Variants in ADRA1B observed in about 807,000 individuals in gnomAD.
ADRA1B encodes adrenoceptor alpha 1B.
ADRA1B carries 17 observed loss-of-function variants against 17.9 expected under a neutral mutation model. The observed-to-expected ratio is 0.95, with a 90% CI of 0.65 to 1.42. The LOEUF is 1.42. ADRA1B is among the 40% of genes most tolerant of loss of function. ADRA1B has a pLI of 0.00. For synonymous variants in ADRA1B, 366 were observed against 327.6 expected, an observed-to-expected ratio of 1.12 and a Z score of -1.27; for missense variants, 681 against 722.1, an observed-to-expected ratio of 0.94 and a Z score of 0.65.
intron 1 of ADRA1B, among the ~76,000 whole-genome samples, chr5:159,902,508 G>T (rs1266166646): frequency 6.6e-6 from 1 of 151,838 alleles, no homozygotes; most frequent in Non-Finnish European, 1.5e-5. Context: ...AAAAAAAAAG[G>T]AATGTTTGAA....
upstream of ADRA1B, among the ~76,000 whole-genome samples, chr5:159,913,955 C>G (rs1044575197): frequency 6.6e-6 from 1 of 152,156 alleles, no homozygotes; most frequent in Admixed American, 6.5e-5. Flanking sequence ...TCTCTTCCTC[C>G]TCCCTCTCCC....
intron 1 of ADRA1B, among the ~76,000 whole-genome samples, chr5:159,875,480 G>C (rs910704749): frequency 1.3e-5 from 2 of 152,100 alleles, no homozygotes; most frequent in Non-Finnish European, 2.9e-5. Context: ...ACCATACCTA[G>C]TGCATGGATA....
chr5:159,951,552 AC>A, intron 1 of ADRA1B: 1 of 569,542 alleles, frequency 1.8e-6, no homozygotes, highest in Non-Finnish European at 3.2e-6. Context: ...TGTCTGTCGA[AC>A]GGGAGGAGCA....
At chr5:159,988,394 T>C in the ADRA1B span, among the ~76,000 whole-genome samples, 1 of 152,234 alleles carries the variant, frequency 6.6e-6, no homozygotes, top group Non-Finnish European at 1.5e-5. Context: ...ATATGTTTGT[T>C]GCTTTATGCC....
At chr5:159,920,338 C>G (rs913331302) in intron 1 of ADRA1B, among the ~76,000 whole-genome samples, 1 of 152,172 alleles carries the variant, frequency 6.6e-6, no homozygotes, top group East Asian at 1.9e-4. Context: ...TTCAAGTCAT[C>G]AAGCCCACCC....
chr5:159,891,873 A>C (rs541847070), intron 1 of ADRA1B, among the ~76,000 whole-genome samples: 1 of 152,332 alleles, frequency 6.6e-6, no homozygotes, highest in African/African-American at 2.4e-5. Flanking sequence ...GAACAGGAGT[A>C]ACTCGCACCT....
chr5:159,928,690 T>C (rs895337243), intron 1 of ADRA1B, among the ~76,000 whole-genome samples: 2 of 152,190 alleles, frequency 1.3e-5, no homozygotes, highest in Non-Finnish European at 2.9e-5. Flanking sequence ...GCCAGGCTAA[T>C]GTGCATTGCT....
chr5:159,977,441 C>A (rs1394256274), downstream of ADRA1B, among the ~76,000 whole-genome samples: 1 of 152,098 alleles, frequency 6.6e-6, no homozygotes, highest in African/African-American at 2.4e-5. Context: ...TTGGTGAGAC[C>A]CCAGTGTCAG....
At chr5:159,871,680 A>G (rs1351433438) in intron 1 of ADRA1B, among the ~76,000 whole-genome samples, 1 of 152,114 alleles carries the variant, frequency 6.6e-6, no homozygotes, top group Middle Eastern at 3.2e-3. Context: ...CATTAAAGTC[A>G]CATTCACAGG....
Position 159,916,915 on chromosome 5 carries a change from G to T in ADRA1B, c.10G>T (p.Asp4Tyr), listed in dbSNP as rs376068891. Residue 4 changes from aspartate to tyrosine, a missense_variant, in exon 1 of 2, where the codon GAC (aspartate) becomes TAC (tyrosine). Asp to Tyr is a radical substitution (Grantham distance 160, BLOSUM62 -3). Coordinates refer to ENST00000306675, the MANE Select transcript of ADRA1B (RefSeq NM_000679.4). MNP[D>Y]LDTGHNTSAP... ...GAGGGCGGACTCTAAGATGAATCCC[G>T]ACCTGGACACCGGCCACAACACATC... 6.2e-7 allele frequency: 1 copy of T among 1,611,018 alleles called. No homozygotes were observed. Among genetic ancestry groups the T allele is most frequent in the African/African-American group, 1.3e-5 (1 of 74,872 alleles).
intron 1 of ADRA1B, among the ~76,000 whole-genome samples, chr5:159,964,978 A>G (rs1310055325): frequency 6.6e-6 from 1 of 152,180 alleles, no homozygotes; most frequent in Non-Finnish European, 1.5e-5. Flanking sequence ...CCAATTTTCC[A>G]GGAAACCAAG....
At chr5:159,875,237 G>C (rs778391544) in intron 1 of ADRA1B, among the ~76,000 whole-genome samples, 3 of 152,084 alleles carry the variant, frequency 2.0e-5, no homozygotes, top group African/African-American at 7.2e-5. Context: ...TATCCTGCAG[G>C]ATAAAAGCTT....
intron 1 of ADRA1B, among the ~76,000 whole-genome samples, chr5:159,969,512 C>T (rs1010614644): frequency 3.3e-5 from 5 of 152,194 alleles, no homozygotes; most frequent in Non-Finnish European, 1.5e-5. Flanking sequence ...TCAGAGATTT[C>T]CAGCTACTCT....
rs971287271 is a variant in ADRA1B, at chr5:159,867,026, G to T, written c.-256+1820G>T. 4 of 152,192 alleles carry T rather than the reference G, an allele frequency of 2.6e-5. No homozygotes were observed. The South Asian group carries it at 8.3e-4, about 32-fold the overall frequency. The allele number at this position is 152,192 out of a possible 1,614,324, so 9.4% of individuals were successfully genotyped here. On this transcript the variant is annotated intron_variant, in intron 1 of 2. Transcript: ENST00000641205. ...AATTTCTCCCCAGCAGCCTTGAAGC[G>T]ATGTCCAACCTGGCACAGAGTCTGG...
chr5:159,899,255 G>A (rs28723391), intron 1 of ADRA1B, among the ~76,000 whole-genome samples: 6 of 136,544 alleles, frequency 4.4e-5, no homozygotes, highest in South Asian at 2.5e-4. Context: ...AGGAAGGAAG[G>A]AAGGAAGAAA....
chr5:159,886,490 G>A (rs1753923982), intron 1 of ADRA1B, among the ~76,000 whole-genome samples: 1 of 152,158 alleles, frequency 6.6e-6, no homozygotes, highest in African/African-American at 2.4e-5. Context: ...CATGCTAATT[G>A]ATTTCATCTT....
intron 1 of ADRA1B, among the ~76,000 whole-genome samples, chr5:159,939,743 A>G (rs1472577150): frequency 6.6e-6 from 1 of 152,196 alleles, no homozygotes; most frequent in East Asian, 1.9e-4. Flanking sequence ...TCCTCCAGCC[A>G]CACAGGAGCA....
At chr5:159,917,972 G>A in intron 1 of ADRA1B, 118 bp downstream of exon 1, 1 of 920,914 alleles carries the variant, frequency 1.1e-6, no homozygotes, top group Non-Finnish European at 1.7e-6. Flanking sequence ...CGTGTTCGGA[G>A]ATTGAATAAT....
chr5:159,894,459 TC>T (rs11356241), intron 1 of ADRA1B, among the ~76,000 whole-genome samples: 68,409 of 152,046 alleles, frequency 0.45, 16,728 homozygotes, highest in African/African-American at 0.62. Flanking sequence ...CAGTTCTGTC[TC>T]CACACATGTA....
Sources: allele counts gnomAD v4.1 joint callset (sites outside exome capture counted in the v4.1 genomes callset), GRCh38; gene constraint gnomAD v4.1.1; transcripts MANE v1.5; gene names NCBI Gene and HGNC (gene_info 2026-07-23, HGNC 2026-07-21).